Variants in M1AP observed in about 807,000 individuals in gnomAD.
The protein encoded by M1AP is meiosis 1 associated protein.
M1AP carries 39 observed loss-of-function variants against 51.2 expected under a neutral mutation model. The observed-to-expected ratio is 0.76, with a 90% CI of 0.59 to 1.00. M1AP has a LOEUF of 1.00. M1AP is among the 50% of genes least tolerant of loss of function. The pLI is 0.00. For missense variants in M1AP, 545 were observed against 641.2 expected (o/e 0.85, Z 1.62); for synonymous variants, 251 against 249.2 (o/e 1.01, Z -0.07).
At chr2:74,583,034 A>T (rs1238489486) in intron 4 of M1AP, among the ~76,000 whole-genome samples, 1 of 151,712 alleles carries the variant, frequency 6.6e-6, no homozygotes, top group African/African-American at 2.4e-5. Context: ...ATAAATAAAT[A>T]AAATAAATAA....
At chr2:74,595,551 C>G (rs542568931) in intron 4 of M1AP, among the ~76,000 whole-genome samples, 2 of 150,482 alleles carry the variant, frequency 1.3e-5, no homozygotes, top group East Asian at 4.0e-4. Context: ...GGGGTTTCAT[C>G]ATGTTGCCCA....
intron 3 of M1AP, among the ~76,000 whole-genome samples, chr2:74,613,015 C>T (rs1356821644): frequency 6.6e-6 from 1 of 150,886 alleles, no homozygotes; most frequent in African/African-American, 2.4e-5. Flanking sequence ...TTGAACATTT[C>T]TATTGATACA....
In M1AP at chr2:74,558,482, G is replaced by A; in HGVS notation, c.*234C>T. 1 of 503,614 alleles carries A rather than the reference G, an allele frequency of 2.0e-6. No individual in the cohort carries two copies. The highest frequency in any genetic ancestry group is 2.7e-5 in the South Asian group (1 of 37,116). The allele number at this position is 503,614 out of a possible 1,614,324, so 31.2% of individuals were successfully genotyped here. A position where few individuals can be genotyped will look rare whatever the true frequency, so the allele number is the denominator to read the frequency against. ...TTCACCTGTGTAAACAGTAGCAAAT[G>A]ATTCTAAAGAAAATGAAAGTCCTTG... On this transcript the variant is annotated 3_prime_UTR_variant, in exon 11 of 11. Coordinates refer to ENST00000421985, the MANE Select transcript of M1AP (RefSeq NM_001321739.2).
chr2:74,620,926 C>T, intron 2 of M1AP: 1 of 177,960 alleles, frequency 5.6e-6, no homozygotes. Flanking sequence ...AACAGCTTCT[C>T]CTTCAAATCC....
At chr2:74,623,655 T>TAATTA (rs1682203538) in intron 2 of M1AP, among the ~76,000 whole-genome samples, 1 of 152,180 alleles carries the variant, frequency 6.6e-6, no homozygotes, top group Non-Finnish European at 1.5e-5. Context: ...TGGTTTAACT[T>TAATTA]ATGTTTTATT....
At chr2:74,645,809 G>A (rs1237160286) in intron 1 of M1AP, among the ~76,000 whole-genome samples, 1 of 151,952 alleles carries the variant, frequency 6.6e-6, no homozygotes, top group Non-Finnish European at 1.5e-5. Context: ...TTTAATAAAA[G>A]TTGCTGTTTA....
chr2:74,625,172 G>A (rs1447811265), intron 2 of M1AP, among the ~76,000 whole-genome samples: 3 of 152,162 alleles, frequency 2.0e-5, no homozygotes, highest in African/African-American at 7.2e-5. Context: ...TACTATGAAT[G>A]AGGTTGATGT....
rs779666163 is a variant in M1AP at position 74,586,528 on chromosome 2, A to G, written c.596-4681T>C. Among the ~76,000 whole-genome samples the G allele has an allele frequency of 1.7e-4, 26 of 152,236 alleles. 1 individual carries two copies. Among genetic ancestry groups the G allele is most frequent in the Non-Finnish European group, 1.9e-4 (13 of 68,040 alleles). On this transcript the variant is annotated intron_variant, in intron 4 of 10. Transcript: ENST00000421985. ...AACTCAGGACTGACTTTGTCCAAGA[A>G]GTTATGCTTAACTATATCCTCCCTT...
chr2:74,619,719 A>G (rs576071784), intron 2 of M1AP, among the ~76,000 whole-genome samples: 1 of 152,356 alleles, frequency 6.6e-6, no homozygotes, highest in East Asian at 1.9e-4. Flanking sequence ...CATAGTGTTC[A>G]TCTCACTGTG....
intron 1 of M1AP, chr2:74,647,359 A>AGCCCTCATTCACTTTGTC: frequency 2.0e-6 from 2 of 985,294 alleles, no homozygotes; most frequent in Non-Finnish European, 2.4e-6. Flanking sequence ...CCCCTTTACA[A>AGCCCTCATTCACTTTGTC]GCCCTCATTC....
At chr2:74,609,153 A>G (rs1214685141) in intron 3 of M1AP, among the ~76,000 whole-genome samples, 1 of 152,192 alleles carries the variant, frequency 6.6e-6, no homozygotes, top group Non-Finnish European at 1.5e-5. Context: ...GTAGAACACC[A>G]GAACTTATTC....
At chr2:74,647,239 C>G (rs1026708237) in intron 1 of M1AP, 1 of 985,288 alleles carries the variant, frequency 1.0e-6, no homozygotes, top group African/African-American at 1.7e-5. Context: ...CATCCTCACA[C>G]TAGGCCCTCC....
intron 3 of M1AP, among the ~76,000 whole-genome samples, chr2:74,611,257 G>A (rs1681323547): frequency 6.6e-6 from 1 of 152,174 alleles, no homozygotes; most frequent in Admixed American, 6.5e-5. Flanking sequence ...ATTGCTATTA[G>A]TTCTTCTTTA....
intron 2 of M1AP, among the ~76,000 whole-genome samples, chr2:74,636,226 G>A (rs1682984957): frequency 6.6e-6 from 1 of 151,406 alleles, no homozygotes; most frequent in Non-Finnish European, 1.5e-5. Context: ...TCTGTACCTG[G>A]TATTCTTTGA....
rs188008002 is a variant in M1AP at position 74,611,161 on chromosome 2, G to A, written c.426+3803C>T. 6.7e-4 allele frequency among the ~76,000 whole-genome samples: 102 copies of A among 152,176 alleles called. 2 individuals are homozygous for A. Among genetic ancestry groups the A allele is most frequent in the African/African-American group, 2.4e-3 (98 of 41,512 alleles). ...CTTTTTTATTGTTGTGCCCTTGTCCGGTTTTGGTATCAGGGTAATGCTGCC... is the reference window on the plus strand; with the variant it reads ...CTTTTTTATTGTTGTGCCCTTGTCCAGTTTTGGTATCAGGGTAATGCTGCC... On this transcript the variant is annotated intron_variant, in intron 3 of 10. Coordinates refer to ENST00000421985, the MANE Select transcript of M1AP (RefSeq NM_001321739.2).
chr2:74,587,665 C>T (rs1679794875), intron 4 of M1AP, among the ~76,000 whole-genome samples: 1 of 152,178 alleles, frequency 6.6e-6, no homozygotes. Context: ...TGAAAAACAG[C>T]TCCCTCACTG....
chr2:74,617,369 A>G (rs948579224), intron 2 of M1AP, among the ~76,000 whole-genome samples: 1 of 152,248 alleles, frequency 6.6e-6, no homozygotes, highest in Non-Finnish European at 1.5e-5. Context: ...TGTGTCTACA[A>G]TTGTGATGAC....
chr2:74,564,238 G>C (rs185070701), intron 7 of M1AP, among the ~76,000 whole-genome samples: 5 of 152,346 alleles, frequency 3.3e-5, no homozygotes, highest in Admixed American at 2.6e-4. Context: ...ACACATGCTG[G>C]GGTGGGTGTA....
rs1041226415 is a variant in M1AP, at chr2:74,575,591, T to A, written c.933-12A>T. The A allele has an allele frequency of 1.2e-6, 2 of 1,608,714 alleles. No homozygotes were observed. Among genetic ancestry groups the A allele is most frequent in the South Asian group, 2.2e-5 (2 of 90,872 alleles). ...TAGATTTTAAAGCCCTAGGAAGAGA[T>A]AATTACAGTCAAAGACTCCTTAGTG... is the stretch of plus-strand genomic sequence containing the variant. On this transcript the variant is annotated splice_polypyrimidine_tract_variant and intron_variant, in intron 6 of 10. Coordinates refer to ENST00000421985, the MANE Select transcript of M1AP (RefSeq NM_001321739.2).
Sources: allele counts gnomAD v4.1 joint callset (sites outside exome capture counted in the v4.1 genomes callset), GRCh38; gene constraint gnomAD v4.1.1; transcripts MANE v1.5; gene names NCBI Gene and HGNC (gene_info 2026-07-23, HGNC 2026-07-21).